The following COL27A1 variants were observed in gnomAD, a reference collection of about 807,000 sequenced individuals.
COL27A1 encodes collagen type XXVII alpha 1 chain.
COL27A1 carries 106 observed loss-of-function variants against 251.3 expected under a neutral mutation model. The observed-to-expected ratio is 0.42, with a 90% CI of 0.36 to 0.50. The LOEUF (loss-of-function observed/expected upper bound fraction) is 0.50. COL27A1 is among the 20% of genes least tolerant of loss of function. The probability of loss-of-function intolerance (pLI) is 0.00; values close to 1 mark genes in which losing one functional copy is unlikely to be tolerated. For missense variants in COL27A1, 2,325 were observed against 2,522.8 expected (o/e 0.92, Z 1.68); for synonymous variants, 1,000 against 986.3 (o/e 1.01, Z -0.26).
intron 1 of COL27A1, among the ~76,000 whole-genome samples, chr9:114,161,847 T>A (rs1217650475): frequency 6.6e-6 from 1 of 152,198 alleles, no homozygotes; most frequent in Non-Finnish European, 1.5e-5. Flanking sequence ...CTTTAACCCT[T>A]CCTGGCCCTA....
chr9:114,289,985 C>T lies in COL27A1; in HGVS notation c.4207-73C>T, dbSNP rs926427689. On this transcript the variant is annotated intron_variant, in intron 45 of 60. Transcript: ENST00000356083. ...CCCAGGGGCCCACAATCCTCTCAGT[C>T]CCTCCTTCCAGAGCCCCTAGGGTCC... 16 of 1,511,802 alleles carry T rather than the reference C, an allele frequency of 1.1e-5. No homozygotes were observed. The East Asian group carries it at 2.9e-4, about 28-fold the overall frequency. The allele number at this position is 1,511,802 out of a possible 1,614,324, so 93.6% of individuals were successfully genotyped here.
At chr9:114,235,357 T>C (rs1369278013) in intron 16 of COL27A1, among the ~76,000 whole-genome samples, 1 of 152,170 alleles carries the variant, frequency 6.6e-6, no homozygotes, top group Non-Finnish European at 1.5e-5. Flanking sequence ...TTAGCTTCTG[T>C]TAGTGGCATT....
chr9:114,277,017 A>G (rs561688012), intron 37 of COL27A1, among the ~76,000 whole-genome samples: 6 of 152,330 alleles, frequency 3.9e-5, no homozygotes, highest in East Asian at 1.9e-4. Context: ...TTAGGCCTGC[A>G]TGACTCTACG....
chr9:114,213,709 A>T (rs887903852), intron 12 of COL27A1, among the ~76,000 whole-genome samples: 5 of 152,214 alleles, frequency 3.3e-5, no homozygotes, highest in African/African-American at 9.7e-5. Context: ...TTTGAACCAC[A>T]TGCGATTCTC....
intron 37 of COL27A1, 33 bp downstream of exon 37, chr9:114,275,801 C>T: frequency 7.1e-7 from 1 of 1,409,304 alleles, no homozygotes; most frequent in Non-Finnish European, 9.7e-7. Flanking sequence ...GCGCCTGGAG[C>T]TCTGGGGTAC....
intron 56 of COL27A1, among the ~76,000 whole-genome samples, chr9:114,302,925 C>T (rs1490852541): frequency 2.6e-5 from 4 of 152,174 alleles, no homozygotes; most frequent in Middle Eastern, 3.4e-3. Context: ...GGCACAGCCT[C>T]GAGGAAAGAC....
At chr9:114,221,248 G>C (rs1831089847) in intron 13 of COL27A1, among the ~76,000 whole-genome samples, 1 of 152,190 alleles carries the variant, frequency 6.6e-6, no homozygotes, top group South Asian at 2.1e-4. Flanking sequence ...TTGGGATGAG[G>C]AGATAGGTGG....
rs376463320 is a variant in COL27A1 at position 114,184,769 on chromosome 9, C to T, written c.2016+1694C>T. 1.1e-3 allele frequency among the ~76,000 whole-genome samples: 166 copies of T among 152,298 alleles called. 1 individual carries two copies. The highest frequency in any genetic ancestry group is 3.9e-3 in the African/African-American group (161 of 41,568). ...ATTTACAGATGGGGAAACTGAGGCACGGGTCGAGTAAGACATTGTCTAGGA... is the reference window on the plus strand; with the variant it reads ...ATTTACAGATGGGGAAACTGAGGCATGGGTCGAGTAAGACATTGTCTAGGA... On this transcript the variant is annotated intron_variant, in intron 5 of 60. Coordinates refer to ENST00000356083, the MANE Select transcript of COL27A1 (RefSeq NM_032888.4).
intron 17 of COL27A1, 85 bp from the exon 18 acceptor site, chr9:114,236,896 C>G (rs1832435749): frequency 7.6e-7 from 1 of 1,307,960 alleles, no homozygotes; most frequent in Non-Finnish European, 1.1e-6. Context: ...TTCTCTGGGC[C>G]TGGGACCAGC....
At chr9:114,219,498 A>G (rs1189062808) in intron 12 of COL27A1, among the ~76,000 whole-genome samples, 2 of 152,138 alleles carry the variant, frequency 1.3e-5, no homozygotes, top group Non-Finnish European at 2.9e-5. Context: ...TGTCTTTCCC[A>G]TTCCATCAGG....
intron 5 of COL27A1, among the ~76,000 whole-genome samples, chr9:114,184,977 A>G (rs1314108630): frequency 6.6e-6 from 1 of 151,494 alleles, no homozygotes; most frequent in Non-Finnish European, 1.5e-5. Flanking sequence ...CCACCCCCAG[A>G]CTCACTCCCT....
chr9:114,264,445 C>T (rs201436368), intron 29 of COL27A1, 37 bp downstream of exon 29: 936 of 1,473,748 alleles, frequency 6.4e-4, no homozygotes, highest in Non-Finnish European at 8.0e-4. Flanking sequence ...CTCACTCCTC[C>T]GACACTGGGT....
At chr9:114,301,424 C>T (rs572183904) in intron 53 of COL27A1, 21 bp from the exon 54 acceptor site, 1 of 1,612,170 alleles carries the variant, frequency 6.2e-7, no homozygotes. Flanking sequence ...AACTCTCTCC[C>T]CTGCTTCTGT....
At position 114,264,238 on chromosome 9, in the gene COL27A1, G is replaced by T. The variant is rs910675608; in HGVS notation, c.3196-117G>T. The T allele has an allele frequency of 9.7e-6, 7 of 718,704 alleles. No individual in the cohort carries two copies. The African/African-American group carries it at 1.3e-4, about 13-fold the overall frequency. The allele number at this position is 718,704 out of a possible 1,614,324, so 44.5% of individuals were successfully genotyped here. ...GAGTGTGTGGGAAGTGGGAGGAGGAGGGGGCCGGAGCTTGTGCAGGGGAAG... is the reference window on the plus strand; with the variant it reads ...GAGTGTGTGGGAAGTGGGAGGAGGATGGGGCCGGAGCTTGTGCAGGGGAAG... On this transcript the variant is annotated intron_variant, in intron 28 of 60. Transcript: ENST00000356083.
In COL27A1 at chr9:114,236,065, C is replaced by G. The variant is rs6478072; in HGVS notation, c.2619+413C>G. ...CCGCCTTACAGCTCTGCACTCCAGCCCCACTGAACCGCCTGCCGTGGGCCT... is the reference window on the plus strand; with the variant it reads ...CCGCCTTACAGCTCTGCACTCCAGCGCCACTGAACCGCCTGCCGTGGGCCT... On this transcript the variant is annotated intron_variant, in intron 17 of 60. Coordinates refer to ENST00000356083, the MANE Select transcript of COL27A1 (RefSeq NM_032888.4). 2.4e-3 allele frequency among the ~76,000 whole-genome samples: 371 copies of G among 152,180 alleles called. 4 individuals are homozygous for G. The highest frequency in any genetic ancestry group is 8.5e-3 in the African/African-American group (352 of 41,524).
At chr9:114,226,227 G>T (rs1831458618) in intron 14 of COL27A1, among the ~76,000 whole-genome samples, 1 of 152,186 alleles carries the variant, frequency 6.6e-6, no homozygotes, top group Non-Finnish European at 1.5e-5. Flanking sequence ...GAGGGGCAAT[G>T]GATTTGTCCA....
At chr9:114,250,327 G>T (rs915571510) in intron 24 of COL27A1, among the ~76,000 whole-genome samples, 11 of 152,228 alleles carry the variant, frequency 7.2e-5, no homozygotes, top group Non-Finnish European at 1.6e-4. Flanking sequence ...CTCTCCAAAC[G>T]TGGCAGCCTC....
At chr9:114,289,042 C>A in intron 44 of COL27A1, 75 bp downstream of exon 44, 1 of 1,555,568 alleles carries the variant, frequency 6.4e-7, no homozygotes, top group Non-Finnish European at 8.8e-7. Context: ...AAGAACTAGG[C>A]CCTTTAAAGC....
intron 25 of COL27A1, among the ~76,000 whole-genome samples, 174 bp from the exon 26 acceptor site, chr9:114,252,419 A>G (rs1309032006): frequency 6.6e-6 from 1 of 152,130 alleles, no homozygotes; most frequent in Non-Finnish European, 1.5e-5. Context: ...CTCTGAGTGA[A>G]ATCCCAGATC....
Sources: gnomAD v4.1 joint callset for allele counts (sites outside exome capture counted in the v4.1 genomes callset) on GRCh38, gnomAD v4.1.1 for gene constraint, MANE v1.5 for transcripts, NCBI Gene and HGNC (gene_info 2026-07-23, HGNC 2026-07-21) for gene names.